The following OPCML variants were observed in gnomAD, a reference collection of about 807,000 sequenced individuals.
OPCML encodes the protein opioid-binding protein/cell adhesion molecule.
In OPCML, 13 loss-of-function variants were observed where a neutral mutation model predicts 37.8. The ratio of observed to expected loss-of-function variants is 0.34; its 90% confidence interval spans 0.22 to 0.55. The LOEUF (loss-of-function observed/expected upper bound fraction) is 0.55, where lower values mean the gene tolerates loss of function less well. Among genes scored for constraint, OPCML ranks in the 20% least tolerant of loss-of-function variants. The pLI is 0.91. For synonymous variants in OPCML, 176 were observed against 168.8 expected, an observed-to-expected ratio of 1.04 and a Z score of -0.33; for missense variants, 341 against 435.6, an observed-to-expected ratio of 0.78 and a Z score of 1.93.
chr11:133,147,954 T>C (rs2137182664), intron 1 of OPCML, among the ~76,000 whole-genome samples: 1 of 152,286 alleles, frequency 6.6e-6, no homozygotes, highest in Non-Finnish European at 1.5e-5. Flanking sequence ...TTCTTCCTCC[T>C]GCCCATCTCT....
intron 3 of OPCML, among the ~76,000 whole-genome samples, chr11:132,649,632 C>G (rs1470631903): frequency 6.6e-6 from 1 of 152,050 alleles, no homozygotes; most frequent in East Asian, 1.9e-4. Flanking sequence ...TTGTAGTTGC[C>G]TTCTTAGTTA....
intron 2 of OPCML, among the ~76,000 whole-genome samples, chr11:132,931,874 CATCA>C (rs1167305965): frequency 6.6e-6 from 1 of 152,158 alleles, no homozygotes; most frequent in Non-Finnish European, 1.5e-5. Flanking sequence ...GCAATCCAAG[CATCA>C]ATCAAAGGAT....
At chr11:133,283,298 G>A (rs1942210549) in intron 1 of OPCML, among the ~76,000 whole-genome samples, 1 of 152,054 alleles carries the variant, frequency 6.6e-6, no homozygotes, top group African/African-American at 2.4e-5. Context: ...CTTCCCCACC[G>A]TAATGAATGA....
chr11:132,854,737 A>G (rs1941981067), intron 2 of OPCML, among the ~76,000 whole-genome samples: 1 of 152,240 alleles, frequency 6.6e-6, no homozygotes, highest in Admixed American at 6.5e-5. Context: ...GTTGATAGAC[A>G]TCAGGGTTGC....
chr11:133,088,574 G>C (rs780604242), intron 1 of OPCML, among the ~76,000 whole-genome samples: 1 of 152,146 alleles, frequency 6.6e-6, no homozygotes, highest in South Asian at 2.1e-4. Context: ...CAATACCAAA[G>C]GGGATTGCAA....
chr11:133,189,358 A>G (rs1331999835), intron 1 of OPCML, among the ~76,000 whole-genome samples: 1 of 152,236 alleles, frequency 6.6e-6, no homozygotes, highest in East Asian at 1.9e-4. Context: ...GTGAAGACTA[A>G]GGAAGAAAGC....
At chr11:133,520,311 G>T in intron 1 of OPCML, among the ~76,000 whole-genome samples, 1 of 152,128 alleles carries the variant, frequency 6.6e-6, no homozygotes, top group East Asian at 1.9e-4. Context: ...CTCAAGCTGG[G>T]TCTTTTTCTG....
chr11:132,993,371 A>C (rs972056355), intron 1 of OPCML, among the ~76,000 whole-genome samples: 1 of 152,166 alleles, frequency 6.6e-6, no homozygotes, highest in Non-Finnish European at 1.5e-5. Context: ...CAGAAGGGAA[A>C]GCACCCTGCA....
At chr11:132,899,685 G>T (rs1481237931) in intron 2 of OPCML, among the ~76,000 whole-genome samples, 1 of 152,190 alleles carries the variant, frequency 6.6e-6, no homozygotes, top group African/African-American at 2.4e-5. Flanking sequence ...ATTTTGGGGT[G>T]TGTCTGTAGG....
At chr11:133,113,134 CAAAAA>C (rs1949282455) in intron 1 of OPCML, among the ~76,000 whole-genome samples, 1 of 152,080 alleles carries the variant, frequency 6.6e-6, no homozygotes, top group Admixed American at 6.5e-5. Flanking sequence ...ACTTATCATG[CAAAAA>C]AGCCATCCTT....
chr11:133,243,050 G>A (rs1940788579), intron 1 of OPCML, among the ~76,000 whole-genome samples: 1 of 152,166 alleles, frequency 6.6e-6, no homozygotes, highest in Non-Finnish European at 1.5e-5. Flanking sequence ...CCGGGGAAAT[G>A]GGGAGCTCAT....
chr11:132,580,603 G>C (rs958092122), intron 3 of OPCML, among the ~76,000 whole-genome samples: 8 of 152,058 alleles, frequency 5.3e-5, no homozygotes, highest in African/African-American at 1.9e-4. Flanking sequence ...AACACCTTTT[G>C]CCTTTCTTGC....
Position 132,632,009 on chromosome 11 carries a change from C to T in OPCML, c.379+25078G>A, listed in dbSNP as rs1940162184. ...TTTGTCCAGGTTTTCAGCTGGGTAACGAAACACGTAGCTGGAAATGAAAAT... is the reference window on the plus strand; with the variant it reads ...TTTGTCCAGGTTTTCAGCTGGGTAATGAAACACGTAGCTGGAAATGAAAAT... On this transcript the variant is annotated intron_variant, in intron 3 of 7. Coordinates refer to ENST00000524381, the MANE Select transcript of OPCML (RefSeq NM_001012393.5). Among the ~76,000 whole-genome samples the T allele has an allele frequency of 5.3e-5, 8 of 151,826 alleles. No individual in the cohort carries two copies. In the South Asian group the frequency reaches 1.7e-3, roughly 32 times the overall value.
intron 2 of OPCML, among the ~76,000 whole-genome samples, chr11:132,901,982 G>A (rs1055239439): frequency 4.6e-5 from 7 of 152,132 alleles, no homozygotes; most frequent in Admixed American, 1.3e-4. Flanking sequence ...CCCCACCACC[G>A]GTGTTTGCGT....
intron 1 of OPCML, among the ~76,000 whole-genome samples, chr11:133,305,002 A>T (rs1942875364): frequency 6.6e-6 from 1 of 152,190 alleles, no homozygotes; most frequent in Non-Finnish European, 1.5e-5. Context: ...TCAAAACTGC[A>T]ACTCAGATGG....
At chr11:132,801,260 G>A (rs1591629572) in intron 2 of OPCML, among the ~76,000 whole-genome samples, 1 of 152,038 alleles carries the variant, frequency 6.6e-6, no homozygotes, top group African/African-American at 2.4e-5. Flanking sequence ...TCTGATTTTG[G>A]TAATTTGAGT....
At chr11:132,627,581 G>C (rs759073241) in intron 3 of OPCML, among the ~76,000 whole-genome samples, 3 of 152,152 alleles carry the variant, frequency 2.0e-5, no homozygotes, top group Non-Finnish European at 4.4e-5. Flanking sequence ...ATTTGTGGAG[G>C]AGGAAGTGAA....
chr11:133,124,021 G>C (rs1949460506), intron 1 of OPCML, among the ~76,000 whole-genome samples: 1 of 151,966 alleles, frequency 6.6e-6, no homozygotes, highest in Non-Finnish European at 1.5e-5. Context: ...TGCCAGCAAT[G>C]ACTACCACAC....
At chr11:132,796,452 A>C (rs1938313283) in intron 2 of OPCML, among the ~76,000 whole-genome samples, 1 of 152,022 alleles carries the variant, frequency 6.6e-6, no homozygotes, top group Admixed American at 6.6e-5. Context: ...AATCTTTTGA[A>C]GACCTGCCAG....
Sources: allele counts gnomAD v4.1 joint callset (sites outside exome capture counted in the v4.1 genomes callset), GRCh38; gene constraint gnomAD v4.1.1; transcripts MANE v1.5; gene names NCBI Gene and HGNC (gene_info 2026-07-23, HGNC 2026-07-21).